The following CAPZB variants were observed in gnomAD, a reference collection of about 807,000 sequenced individuals.
CAPZB encodes F-actin-capping protein subunit beta.
A neutral mutation model predicts 38.1 loss-of-function variants in CAPZB; 2 were observed. The ratio of observed to expected loss-of-function variants is 0.05; its 90% CI spans 0.02 to 0.17. The LOEUF (loss-of-function observed/expected upper bound fraction) is 0.17. Ranked by LOEUF, CAPZB falls within the 10% of genes least tolerant of loss-of-function variation. CAPZB has a pLI of 1.00. For missense variants in CAPZB, 161 were observed against 334.2 expected (o/e 0.48, Z 4.04); for synonymous variants, 107 against 127.4 (o/e 0.84, Z 1.08).
chr1:19,358,869 C>T lies in CAPZB; in HGVS notation c.330-1306G>A, dbSNP rs112935376. Among the ~76,000 whole-genome samples, 980 of 152,250 alleles carry T rather than the reference C, an allele frequency of 6.4e-3. 11 individuals carry two copies. The highest frequency in any genetic ancestry group is 0.022 in the African/African-American group (912 of 41,550). ...GCCCTGGACAGCTGGGAAGGTGGGC[C>T]GCAGAGTGCACTGGGTGGGTACAGG... On this transcript the variant is annotated intron_variant, in intron 4 of 8. Coordinates refer to ENST00000264202, the MANE Select transcript of CAPZB (RefSeq NM_004930.5).
At chr1:19,482,488 C>G (rs1253707264) in intron 1 of CAPZB, among the ~76,000 whole-genome samples, 7 of 152,370 alleles carry the variant, frequency 4.6e-5, no homozygotes, top group African/African-American at 1.4e-4. Context: ...GCTAAAGCCT[C>G]ACCATCATCA....
intron 1 of CAPZB, among the ~76,000 whole-genome samples, chr1:19,473,433 A>G (rs1455663168): frequency 6.6e-6 from 1 of 152,224 alleles, no homozygotes; most frequent in African/African-American, 2.4e-5. Flanking sequence ...TAAACCCCAT[A>G]AGCAGAAGTG....
chr1:19,355,868 C>T (rs2094018153), intron 6 of CAPZB, among the ~76,000 whole-genome samples: 1 of 152,198 alleles, frequency 6.6e-6, no homozygotes, highest in Non-Finnish European at 1.5e-5. Context: ...GGGTCCTGAA[C>T]ATGGACCTTT....
chr1:19,367,187 G>A (rs1440153882), intron 4 of CAPZB, among the ~76,000 whole-genome samples: 1 of 152,266 alleles, frequency 6.6e-6, no homozygotes, highest in South Asian at 2.1e-4. Flanking sequence ...GGGCTGGAGA[G>A]TGTGGGTTCT....
At chr1:19,382,153 C>T (rs2094178866) in intron 3 of CAPZB, among the ~76,000 whole-genome samples, 1 of 152,196 alleles carries the variant, frequency 6.6e-6, no homozygotes, top group African/African-American at 2.4e-5. Context: ...ATCTTTCGGG[C>T]AGACTGGGGG....
At chr1:19,402,590 C>G (rs536917947) in intron 2 of CAPZB, among the ~76,000 whole-genome samples, 1 of 152,306 alleles carries the variant, frequency 6.6e-6, no homozygotes, top group Admixed American at 6.5e-5. Context: ...AGGCAGAAAC[C>G]CAGCTGCTCC....
intron 1 of CAPZB, among the ~76,000 whole-genome samples, chr1:19,440,651 G>C (rs1435544115): frequency 6.6e-6 from 1 of 152,134 alleles, no homozygotes; most frequent in African/African-American, 2.4e-5. Flanking sequence ...GAGGTCCCCT[G>C]GGCAGAGTGA....
intron 1 of CAPZB, among the ~76,000 whole-genome samples, chr1:19,468,390 A>T (rs1485351551): frequency 6.6e-6 from 1 of 152,124 alleles, no homozygotes; most frequent in Non-Finnish European, 1.5e-5. Context: ...GCTCACACTC[A>T]ACCAAGCGCC....
chr1:19,391,260 C>T (rs931450889), intron 2 of CAPZB, among the ~76,000 whole-genome samples: 2 of 151,954 alleles, frequency 1.3e-5, no homozygotes, highest in African/African-American at 4.8e-5. Flanking sequence ...TGAGATGAAC[C>T]CTTAAAAAAA....
At chr1:19,368,615 C>T (rs1300414981) in intron 4 of CAPZB, among the ~76,000 whole-genome samples, 2 of 151,218 alleles carry the variant, frequency 1.3e-5, no homozygotes, top group East Asian at 3.9e-4. Flanking sequence ...GGGTTCTCTG[C>T]CTCACTGAGG....
Position 19,360,553 on chromosome 1 carries a change from C to T in CAPZB, c.330-2990G>A, listed in dbSNP as rs374527407. 2.6e-4 allele frequency among the ~76,000 whole-genome samples: 40 copies of T among 152,336 alleles called. 1 individual carries two copies. In the East Asian group the frequency reaches 7.1e-3, roughly 27 times the overall value. ...CAGGTCAGGATGCCCTGGAGGGGAACCAGGAGAAATCCCGATGGCCTGACA... is the reference window on the plus strand; with the variant it reads ...CAGGTCAGGATGCCCTGGAGGGGAATCAGGAGAAATCCCGATGGCCTGACA... On this transcript the variant is annotated intron_variant, in intron 4 of 8. Coordinates refer to ENST00000264202, the MANE Select transcript of CAPZB (RefSeq NM_004930.5).
chr1:19,358,826 G>C (rs2094036035), intron 4 of CAPZB, among the ~76,000 whole-genome samples: 1 of 152,168 alleles, frequency 6.6e-6, no homozygotes. Flanking sequence ...GGTGCATTCT[G>C]GGAGCACCCT....
chr1:19,478,376 G>A (rs188777686), intron 1 of CAPZB, among the ~76,000 whole-genome samples: 52 of 152,266 alleles, frequency 3.4e-4, no homozygotes, highest in African/African-American at 9.9e-4. Context: ...GCCAGGCATC[G>A]TCTACACTTT....
In CAPZB at chr1:19,344,899, C is replaced by T. The variant is rs369236095; in HGVS notation, c.654+288G>A. Reference sequence around the variant, plus strand: ...GCGCAGGGCCCTGTTCACACCCAGGCGATCAGGGGAGACAAGACCTAGTGC... The same window carrying T: ...GCGCAGGGCCCTGTTCACACCCAGGTGATCAGGGGAGACAAGACCTAGTGC... On this transcript the variant is annotated intron_variant, in intron 7 of 8. Coordinates refer to ENST00000264202, the MANE Select transcript of CAPZB (RefSeq NM_004930.5). Among the ~76,000 whole-genome samples, 71 of 152,354 alleles carry T rather than the reference C, an allele frequency of 4.7e-4. 1 individual carries two copies. In the South Asian group the frequency reaches 0.014, roughly 30 times the overall value.
intron 1 of CAPZB, among the ~76,000 whole-genome samples, chr1:19,440,991 C>T (rs34137921): frequency 0.23 from 35,148 of 152,012 alleles, 4,445 homozygotes; most frequent in Non-Finnish European, 0.28. Flanking sequence ...ACCCGGGAGG[C>T]GGAGCTTGCA....
rs532560978 is a variant in CAPZB at position 19,351,045 on chromosome 1, C to T, written c.588+5590G>A. The stretch of plus-strand genomic sequence containing the variant: ...TCGCCCAGGCTGGAGTGCAATGGCG[C>T]GATCTTGGCTCACTGCAACCTCTGC... On this transcript the variant is annotated intron_variant, in intron 6 of 8. Coordinates refer to ENST00000264202, the MANE Select transcript of CAPZB (RefSeq NM_004930.5). Among the ~76,000 whole-genome samples, 13 of 150,664 alleles carry T rather than the reference C, an allele frequency of 8.6e-5. No homozygotes were observed. The South Asian group carries it at 1.9e-3, about 22-fold the overall frequency.
chr1:19,369,590 A>C (rs1436156473), intron 4 of CAPZB, among the ~76,000 whole-genome samples: 3 of 152,230 alleles, frequency 2.0e-5, no homozygotes, highest in Admixed American at 2.0e-4. Flanking sequence ...CACTGTGGAC[A>C]TGCCAGAAGC....
At chr1:19,483,763 A>G (rs2094639616) in intron 1 of CAPZB, among the ~76,000 whole-genome samples, 2 of 152,148 alleles carry the variant, frequency 1.3e-5, no homozygotes, top group African/African-American at 4.8e-5. Flanking sequence ...CTCCCCAAAC[A>G]AGGAGTTTTC....
intron 1 of CAPZB, chr1:19,448,824 T>C: frequency 6.2e-7 from 1 of 1,612,744 alleles, no homozygotes; most frequent in Non-Finnish European, 8.5e-7. Context: ...AGATCTAAAG[T>C]GCGTGTCACC....
Sources: gnomAD v4.1 joint callset for allele counts (sites outside exome capture counted in the v4.1 genomes callset) on GRCh38, gnomAD v4.1.1 for gene constraint, MANE v1.5 for transcripts, NCBI Gene and HGNC (gene_info 2026-07-23, HGNC 2026-07-21) for gene names.